Variants in RAB11FIP3 observed in about 807,000 individuals in gnomAD.
The protein encoded by RAB11FIP3 is rab11 family-interacting protein 3.
A neutral mutation model predicts 77.8 loss-of-function variants in RAB11FIP3; 17 were observed. That is an observed-to-expected ratio of 0.22 (90% CI 0.15 to 0.33). The LOEUF is 0.33. Ranked by LOEUF, RAB11FIP3 falls within the 10% of genes least tolerant of loss-of-function variation. RAB11FIP3 has a pLI of 1.00. For missense variants in RAB11FIP3, 1,005 were observed against 1,011.2 expected (o/e 0.99, Z 0.08); for synonymous variants, 437 against 448.2 (o/e 0.98, Z 0.31).
rs1451430376 is a variant in RAB11FIP3 at position 472,931 on chromosome 16, G to C, written c.903+1542G>C. Among the ~76,000 whole-genome samples, 1 of 152,210 alleles carries C rather than the reference G, an allele frequency of 6.6e-6. No homozygotes were observed. Among genetic ancestry groups the C allele is most frequent in the African/African-American group, 2.4e-5 (1 of 41,450 alleles). On this transcript the variant is annotated intron_variant, in intron 3 of 13. Transcript: ENST00000262305. The surrounding 1 kb of genome is among the most constrained non-coding windows in gnomAD (Gnocchi z 4.1). ...ACACACAGGGGGAAGACCATAGGAA[G>C]ACAGGGCAGAGACTGACCAGAGCCA...
chr16:510,817 A>T lies in RAB11FIP3; in HGVS notation c.1640+17A>T, dbSNP rs1362070720. On this transcript the variant is annotated intron_variant, in intron 9 of 13. Coordinates refer to ENST00000262305, the MANE Select transcript of RAB11FIP3 (RefSeq NM_014700.4). ...GCAGACCAGGTAGGCGGTTCCCAAC[A>T]GCCCATCCACCCCAGAACCTGCAGG... 1 of 1,611,332 alleles carries T rather than the reference A, an allele frequency of 6.2e-7. No homozygotes were observed. Among genetic ancestry groups the T allele is most frequent in the Non-Finnish European group, 8.5e-7 (1 of 1,178,956 alleles).
At chr16:453,081 A>T (rs1294169435) in intron 1 of RAB11FIP3, among the ~76,000 whole-genome samples, 1 of 113,732 alleles carries the variant, frequency 8.8e-6, no homozygotes, top group African/African-American at 3.4e-5. Context: ...ATTTTTTTTT[A>T]TTTTTTATTT....
At chr16:428,675 C>T (rs767395530) in intron 1 of RAB11FIP3, among the ~76,000 whole-genome samples, 5 of 152,040 alleles carry the variant, frequency 3.3e-5, no homozygotes, top group Non-Finnish European at 5.9e-5. Flanking sequence ...GTCTTTTGGC[C>T]CTTAGACCTT....
chr16:426,572 A>G lies in RAB11FIP3; in HGVS notation c.566A>G (p.Gln189Arg), dbSNP rs1468706765. 1.3e-6 allele frequency: 2 copies of G among 1,595,396 alleles called. No individual in the cohort carries two copies. The highest frequency in any genetic ancestry group is 3.5e-5 in the Admixed American group (2 of 57,460). The change falls in exon 1 of 14, where the codon CAG becomes CGG. Residue 189 changes from glutamine to arginine, a missense_variant. Gln to Arg is a conservative substitution (Grantham distance 43). Around this residue, in one of 4 missense-constraint regions of RAB11FIP3, gnomAD observed 466 missense variants for 408.3 expected, o/e 1.14. Coordinates refer to ENST00000262305, the MANE Select transcript of RAB11FIP3 (RefSeq NM_014700.4). This position sits in a 1 kb window ranked among gnomAD's most constrained non-coding sequence, Gnocchi z 5.0. ...GSPPQPSDLSQTHPLPSEPVG... is the reference protein window; with the variant it reads ...GSPPQPSDLSRTHPLPSEPVG... The stretch of plus-strand genomic sequence containing the variant: ...CCGCCGCAGCCCTCGGACCTCAGCC[A>G]GACCCACCCCCTTCCGAGCGAGCCC...
intron 2 of RAB11FIP3, among the ~76,000 whole-genome samples, chr16:462,104 C>T (rs980664852): frequency 1.3e-5 from 2 of 152,256 alleles, no homozygotes; most frequent in Non-Finnish European, 2.9e-5. Flanking sequence ...CAGTGCGGAG[C>T]CTGTCACGCA....
intron 6 of RAB11FIP3, among the ~76,000 whole-genome samples, chr16:501,746 T>C (rs1438954023): frequency 7.3e-6 from 1 of 137,872 alleles, no homozygotes; most frequent in African/African-American, 2.8e-5. Flanking sequence ...AGGTCCCCCA[T>C]TTCATAGGCA....
chr16:452,865 G>A (rs12922913), intron 1 of RAB11FIP3, among the ~76,000 whole-genome samples: 1 of 65,086 alleles, frequency 1.5e-5, no homozygotes, highest in East Asian at 3.7e-4. Flanking sequence ...AGTGATTCTC[G>A]TGCCTCAGCA....
At chr16:458,050 T>C (rs2055532202) in intron 1 of RAB11FIP3, among the ~76,000 whole-genome samples, 1 of 152,242 alleles carries the variant, frequency 6.6e-6, no homozygotes, top group Non-Finnish European at 1.5e-5. Context: ...TCTTCCGTTG[T>C]GAAGGGGAAG....
In RAB11FIP3 at chr16:480,536, G is replaced by T. The variant is rs1178856540; in HGVS notation, c.904-1989G>T. ...TATTTTTGAGACGGAGTCTTGCTCT[G>T]TCGCCCAGGCTGGAGTGCAGTGGCG... On this transcript the variant is annotated intron_variant, in intron 3 of 13. Transcript: ENST00000262305. Among the ~76,000 whole-genome samples, 3 of 151,920 alleles carry T rather than the reference G, an allele frequency of 2.0e-5. No homozygotes were observed. In the East Asian group the frequency reaches 5.8e-4, roughly 29 times the overall value.
intron 6 of RAB11FIP3, among the ~76,000 whole-genome samples, chr16:498,210 G>C (rs570084626): frequency 6.6e-6 from 1 of 152,254 alleles, no homozygotes; most frequent in African/African-American, 2.4e-5. Context: ...GTCTTGCTCT[G>C]TCACCTGGGC....
In RAB11FIP3 at chr16:477,570, C is replaced by T. The variant is rs536979534; in HGVS notation, c.904-4955C>T. On this transcript the variant is annotated intron_variant, in intron 3 of 13. Coordinates refer to ENST00000262305, the MANE Select transcript of RAB11FIP3 (RefSeq NM_014700.4). ...GCCACTCCCGCCTTTTCCTGCCTGGCGTCCCGCAGGCCCAGCACAGGCCAG... is the reference window on the plus strand; with the variant it reads ...GCCACTCCCGCCTTTTCCTGCCTGGTGTCCCGCAGGCCCAGCACAGGCCAG... The T allele has an allele frequency of 1.8e-5, 17 of 962,844 alleles. 1 individual carries two copies. The South Asian group carries it at 4.8e-4, about 27-fold the overall frequency. 59.6% of individuals were successfully genotyped at this position (962,844 alleles called of 1,614,324 possible).
rs555097503 is a variant in RAB11FIP3, at chr16:497,594, G to A, written c.1301+735G>A. ...TCCTCTCTGCCCTGTTGTGCCGGGC[G>A]TTCTCCAGGCCTCGTGGCTGTGGTC... is the stretch of plus-strand genomic sequence containing the variant. On this transcript the variant is annotated intron_variant, in intron 6 of 13. Coordinates refer to ENST00000262305, the MANE Select transcript of RAB11FIP3 (RefSeq NM_014700.4). The A allele has an allele frequency of 1.3e-4, 84 of 664,420 alleles. No homozygotes were observed. In the Middle Eastern group the frequency reaches 2.0e-3, roughly 16 times the overall value. The allele number at this position is 664,420 out of a possible 1,614,324, so 41.2% of individuals were successfully genotyped here.
At chr16:491,123 T>A (rs2030143387) in intron 5 of RAB11FIP3, 1 of 1,291,650 alleles carries the variant, frequency 7.7e-7, no homozygotes, top group African/African-American at 1.5e-5. Context: ...CGGATGCTTC[T>A]GTCTCTCTAG....
intron 5 of RAB11FIP3, among the ~76,000 whole-genome samples, chr16:495,811 C>T (rs968117433): frequency 6.6e-6 from 1 of 152,244 alleles, no homozygotes; most frequent in East Asian, 1.9e-4. Context: ...AGTGCAGTGG[C>T]GTGATCTCGG....
At chr16:432,254 A>C (rs72767804) in intron 1 of RAB11FIP3, among the ~76,000 whole-genome samples, 1 of 151,818 alleles carries the variant, frequency 6.6e-6, no homozygotes, top group Non-Finnish European at 1.5e-5. Context: ...GTAGGCGCCT[A>C]TAATCCCAGG....
intron 6 of RAB11FIP3, among the ~76,000 whole-genome samples, chr16:497,689 G>T (rs752668574): frequency 2.0e-5 from 3 of 152,102 alleles, no homozygotes; most frequent in Admixed American, 1.3e-4. Context: ...CCCTGGCCCC[G>T]TCTTCCTTCT....
At chr16:498,747 C>T (rs1445018673) in intron 6 of RAB11FIP3, among the ~76,000 whole-genome samples, 1 of 152,158 alleles carries the variant, frequency 6.6e-6, no homozygotes, top group African/African-American at 2.4e-5. Flanking sequence ...TCTAGCAGTC[C>T]TCCCACCTCG....
chr16:454,121 T>C (rs2055456462), intron 1 of RAB11FIP3, among the ~76,000 whole-genome samples: 1 of 152,172 alleles, frequency 6.6e-6, no homozygotes, highest in South Asian at 2.1e-4. Flanking sequence ...AAGCATCCAG[T>C]AGGCGGGTCT....
chr16:513,284 T>C (rs2032266506), intron 9 of RAB11FIP3, among the ~76,000 whole-genome samples: 1 of 151,506 alleles, frequency 6.6e-6, no homozygotes, highest in African/African-American at 2.4e-5. Context: ...GCAGTGGCCC[T>C]GTCATGGCTC....
Sources: allele counts gnomAD v4.1 joint callset (sites outside exome capture counted in the v4.1 genomes callset), GRCh38; gene constraint gnomAD v4.1.1; regional missense constraint gnomAD v4.1.1; non-coding constraint Gnocchi (gnomAD v3.1); transcripts MANE v1.5; gene names NCBI Gene and HGNC (gene_info 2026-07-23, HGNC 2026-07-21).